NRP2: variants seen among roughly 807,000 people sequenced by gnomAD.
NRP2 encodes the protein neuropilin 2, also known as neuropilin-2.
A neutral mutation model predicts 110.4 loss-of-function variants in NRP2; 52 were observed. The observed-to-expected ratio is 0.47, with a 90% CI of 0.38 to 0.59. The LOEUF (loss-of-function observed/expected upper bound fraction) is 0.59. NRP2 is among the 20% of genes least tolerant of loss of function. The pLI is 0.00. For synonymous variants in NRP2, 508 were observed against 468.9 expected (o/e 1.08, Z -1.08); for missense variants, 1,049 against 1,203.0 (o/e 0.87, Z 1.89).
intron 12 of NRP2, chr2:205,762,433 C>T (rs2057838816): frequency 6.6e-6 from 1 of 152,178 alleles, no homozygotes; most frequent in Non-Finnish European, 1.5e-5. Flanking sequence ...AAGCAGTGGT[C>T]CAGGGAGTAT....
intron 10 of NRP2, 129 bp downstream of exon 10, chr2:205,746,019 C>T (rs1453312462): frequency 2.9e-6 from 3 of 1,029,490 alleles, no homozygotes; most frequent in African/African-American, 1.6e-5. Flanking sequence ...AGACCCCTGC[C>T]ATGTTCTCCT....
rs368151914 is a variant in NRP2 at position 205,683,294 on chromosome 2, G to C, written c.4G>C (p.Asp2His). The C allele has an allele frequency of 3.1e-6, 5 of 1,612,914 alleles. No individual in the cohort carries two copies. The African/African-American group carries it at 6.7e-5, about 22-fold the overall frequency. ...GGAAAGAGCCACCTTCTCCAAAATG[G>C]ATATGTTTCCTCTCACCTGGGTTTT... M[D>H]MFPLTWVFLA... is the part of the protein sequence containing the mutation. Residue 2 changes from aspartate to histidine, a missense_variant, in exon 1 of 17, where the codon GAT (aspartate) becomes CAT (histidine). Transcript: ENST00000357785.
intron 12 of NRP2, among the ~76,000 whole-genome samples, chr2:205,757,877 A>G (rs113547681): frequency 0.015 from 2,198 of 145,720 alleles, 20 homozygotes; most frequent in Middle Eastern, 0.039. Flanking sequence ...AAATAACAGC[A>G]GGAAGAAGCT....
At chr2:205,691,405 TG>T (rs1276404352) in intron 1 of NRP2, among the ~76,000 whole-genome samples, 1 of 151,996 alleles carries the variant, frequency 6.6e-6, no homozygotes, top group African/African-American at 2.4e-5. Flanking sequence ...AGTAGAGAAA[TG>T]GATGCTGGGT....
intron 3 of NRP2, among the ~76,000 whole-genome samples, chr2:205,720,262 C>CTTT (rs202203741): frequency 6.2e-5 from 8 of 129,184 alleles, no homozygotes; most frequent in East Asian, 2.7e-4. Context: ...TTTTTTCTTT[C>CTTT]TTTTTTTTTT....
At chr2:205,713,202 A>C (rs1188177428) in intron 2 of NRP2, among the ~76,000 whole-genome samples, 1 of 152,158 alleles carries the variant, frequency 6.6e-6, no homozygotes, top group African/African-American at 2.4e-5. Context: ...AAACCCTCTC[A>C]CTTCTGATGA....
chr2:205,730,290 G>T (rs2057211468), intron 7 of NRP2, among the ~76,000 whole-genome samples: 1 of 150,416 alleles, frequency 6.6e-6, no homozygotes, highest in Non-Finnish European at 1.5e-5. Flanking sequence ...TGTTGGGGTT[G>T]AAGTAGTTGA....
intron 9 of NRP2, chr2:205,743,761 T>C (rs2057488420): frequency 6.9e-6 from 8 of 1,153,808 alleles, no homozygotes; most frequent in East Asian, 5.3e-5. Context: ...TGTTTGTTTG[T>C]TTTTGAGATG....
chr2:205,745,100 C>G (rs1256178194), intron 9 of NRP2, among the ~76,000 whole-genome samples: 1 of 152,184 alleles, frequency 6.6e-6, no homozygotes, highest in Non-Finnish European at 1.5e-5. Flanking sequence ...GCTGGTCCTC[C>G]AAAGCAGCCC....
chr2:205,683,566 G>A (rs1400050871), intron 1 of NRP2, among the ~76,000 whole-genome samples: 1 of 150,084 alleles, frequency 6.7e-6, no homozygotes, highest in African/African-American at 2.4e-5. Flanking sequence ...GTGTGTGTGT[G>A]TGTGTGTGTG....
chr2:205,784,349 G>C (rs760544017), intron 15 of NRP2, among the ~76,000 whole-genome samples: 1 of 152,188 alleles, frequency 6.6e-6, no homozygotes, highest in African/African-American at 2.4e-5. Flanking sequence ...GAAACTTTTT[G>C]TCTCTTTGTG....
intron 15 of NRP2, 68 bp from the exon 16 acceptor site, chr2:205,792,167 C>T: frequency 9.6e-7 from 1 of 1,043,098 alleles, no homozygotes; most frequent in Non-Finnish European, 1.5e-6. Context: ...GTAAAGATTG[C>T]CTCCCTGCCT....
At chr2:205,706,186 T>C (rs1559315036) in intron 2 of NRP2, among the ~76,000 whole-genome samples, 1 of 151,818 alleles carries the variant, frequency 6.6e-6, no homozygotes, top group Non-Finnish European at 1.5e-5. Flanking sequence ...GCGGAAGTAA[T>C]TGATTCCTCA....
rs541035799 is a variant in NRP2, at chr2:205,779,984, C to A, written c.2426-12251C>A. ...GCAAAAGTTGCTAAGTGCTAAATTG[C>A]TAAATGAGATTCCACGAAATTTCTC... is the stretch of plus-strand genomic sequence containing the variant. On this transcript the variant is annotated intron_variant, in intron 15 of 16. Transcript: ENST00000357785. Among the ~76,000 whole-genome samples the A allele has an allele frequency of 2.0e-5, 3 of 152,304 alleles. No individual in the cohort carries two copies. In the East Asian group the frequency reaches 5.8e-4, roughly 29 times the overall value.
rs1338019486 is a variant in NRP2, at chr2:205,722,182, C to T, written c.434-296C>T. The T allele has an allele frequency of 5.3e-3, 2,304 of 435,238 alleles. 45 individuals are homozygous for T. The highest frequency in any genetic ancestry group is 0.043 in the African/African-American group (2,051 of 48,040). 27.0% of individuals were successfully genotyped at this position (435,238 alleles called of 1,614,324 possible). ...TCTCTCTCTCTCTCATACACACACA[C>T]ACACACACACACACACACACACACA... On this transcript the variant is annotated intron_variant, in intron 3 of 16. Transcript: ENST00000357785.
chr2:205,765,520 C>A lies in NRP2; in HGVS notation c.2354C>A (p.Ala785Asp). The A allele has an allele frequency of 1.2e-6, 2 of 1,614,036 alleles. No homozygotes were observed. The highest frequency in any genetic ancestry group is 1.7e-6 in the Non-Finnish European group (2 of 1,179,996). Residue 785 changes from alanine to aspartate, a missense_variant, in exon 14 of 17, where the codon GCC becomes GAC. Physicochemically the swap from Ala to Asp is moderately radical, Grantham distance 126. Coordinates refer to ENST00000357785, the MANE Select transcript of NRP2 (RefSeq NM_003872.3). ...GGGAAAGGACGTTCCGGAGAGATTG[C>A]CATTGATGACATTCGGATAAGCACT... ...VIGKGRSGEI[A>D]IDDIRISTDV...
intron 11 of NRP2, among the ~76,000 whole-genome samples, chr2:205,750,506 G>C (rs532063693): frequency 3.9e-5 from 6 of 152,142 alleles, no homozygotes; most frequent in Non-Finnish European, 8.8e-5. Flanking sequence ...CCATCACATG[G>C]GAAATTCTTT....
Position 205,763,718 on chromosome 2 carries a change from G to A in NRP2, c.2089G>A (p.Gly697Ser), listed in dbSNP as rs1325897513. The A allele has an allele frequency of 3.7e-6, 6 of 1,614,220 alleles. No homozygotes were observed. The highest frequency in any genetic ancestry group is 5.1e-6 in the Non-Finnish European group (6 of 1,180,032). ...LRLQSDSQRE[G>S]QYARLISPPV... Reference sequence around the variant, plus strand: ...GCTGCAGAGTGACAGCCAGAGAGAGGGCCAGTATGCCCGGCTCATCAGCCC... The same window carrying A: ...GCTGCAGAGTGACAGCCAGAGAGAGAGCCAGTATGCCCGGCTCATCAGCCC... Residue 697 changes from glycine (G) to serine (S), a missense_variant, in exon 13 of 17, where the codon GGC (glycine) becomes AGC (serine). By Grantham distance (56) the Gly-to-Ser change is moderately conservative (BLOSUM62 0). Transcript: ENST00000357785. This position sits in a 1 kb window ranked among gnomAD's most constrained non-coding sequence, Gnocchi z 4.0.
At chr2:205,766,657 A>G (rs1412118508) in intron 14 of NRP2, 126 bp from the exon 15 acceptor site, 7 of 830,358 alleles carry the variant, frequency 8.4e-6, no homozygotes, top group Non-Finnish European at 1.4e-5. Flanking sequence ...GGCCCTCTCC[A>G]TGGAGTGGTA....
Sources: gnomAD v4.1 joint callset for allele counts (sites outside exome capture counted in the v4.1 genomes callset) on GRCh38, gnomAD v4.1.1 for gene constraint, Gnocchi (gnomAD v3.1) non-coding constraint, MANE v1.5 for transcripts, NCBI Gene and HGNC (gene_info 2026-07-23, HGNC 2026-07-21) for gene names.